The following HYDIN variants were observed in gnomAD, a reference collection of about 807,000 sequenced individuals.
HYDIN encodes the protein HYDIN axonemal central pair apparatus protein, also known as axonemal central pair apparatus protein HYDIN.
A neutral mutation model predicts 403.9 loss-of-function variants in HYDIN; 132 were observed. That is an observed-to-expected ratio of 0.33 (90% CI 0.28 to 0.38). The LOEUF is 0.38. Among genes scored for constraint, HYDIN ranks in the 10% least tolerant of loss-of-function variants. The pLI is 1.00. For missense variants in HYDIN, 2,827 were observed against 5,009.5 expected, an observed-to-expected ratio of 0.56 and a Z score of 13.15; for synonymous variants, 1,202 against 1,891.7, an observed-to-expected ratio of 0.64 and a Z score of 9.46.
intron 23 of HYDIN, among the ~76,000 whole-genome samples, chr16:71,017,329 G>A (rs2080296087): frequency 1.4e-5 from 2 of 141,872 alleles, no homozygotes; most frequent in Admixed American, 7.2e-5. Flanking sequence ...CAGCCTGGGC[G>A]ACAAGAGCGA....
chr16:71,110,586 C>A (rs1011874686), intron 10 of HYDIN, among the ~76,000 whole-genome samples: 1 of 149,626 alleles, frequency 6.7e-6, no homozygotes, highest in Non-Finnish European at 1.5e-5. Context: ...CAAAATTATA[C>A]ATGAAAGCAA....
At chr16:71,038,670 A>C (rs1475364560) in intron 18 of HYDIN, among the ~76,000 whole-genome samples, 1 of 152,288 alleles carries the variant, frequency 6.6e-6, no homozygotes, top group African/African-American at 2.4e-5. Flanking sequence ...TTTTAAAAAA[A>C]TTTCTTTTGA....
At chr16:71,107,621 G>A (rs1370865448) in intron 10 of HYDIN, among the ~76,000 whole-genome samples, 4 of 151,998 alleles carry the variant, frequency 2.6e-5, no homozygotes, top group African/African-American at 9.7e-5. Flanking sequence ...ACCACAATGA[G>A]ATATCATCTC....
rs934444245 is a variant in HYDIN, at chr16:70,992,145, G to T, written c.3710C>A (p.Thr1237Asn). 3.1e-6 allele frequency: 5 copies of T among 1,612,094 alleles called. No individual in the cohort carries two copies. In the African/African-American group the frequency reaches 5.4e-5, roughly 17 times the overall value. Residue 1237 changes from threonine to asparagine, a missense_variant, in exon 24 of 86, where the codon ACC becomes AAC. Transcript: ENST00000393567. ...TGCTGGTGGGCTGGCAGCCTCTGAGGTTGCTGGGATGGACTCCATCTGGGA... is the reference window on the plus strand; with the variant it reads ...TGCTGGTGGGCTGGCAGCCTCTGAGTTTGCTGGGATGGACTCCATCTGGGA... ...PVSQMESIPATSEAASPPAIL... is the reference protein window; with the variant it reads ...PVSQMESIPANSEAASPPAIL...
rs1400368049 is a variant in HYDIN, at chr16:70,804,540, A to G, written c.*3040T>C. Among the ~76,000 whole-genome samples, 1 of 152,232 alleles carries G rather than the reference A, an allele frequency of 6.6e-6. No homozygotes were observed. Among genetic ancestry groups the G allele is most frequent in the Non-Finnish European group, 1.5e-5 (1 of 68,034 alleles). On this transcript the variant is annotated 3_prime_UTR_variant, in exon 86 of 86. Coordinates refer to ENST00000393567, the MANE Select transcript of HYDIN (RefSeq NM_001270974.2). ...ATGTGGAAACCGCATTCTTTGGTGA[A>G]TCAGCTTCTCGTGAGGTCCTTCAGA...
At chr16:70,877,829 G>A (rs1229228195) in intron 62 of HYDIN, among the ~76,000 whole-genome samples, 1 of 152,086 alleles carries the variant, frequency 6.6e-6, no homozygotes, top group African/African-American at 2.4e-5. Flanking sequence ...AGTTAACAAC[G>A]GAAACCGGAA....
chr16:70,953,278 C>A (rs1218461830), intron 40 of HYDIN, among the ~76,000 whole-genome samples: 2 of 152,078 alleles, frequency 1.3e-5, no homozygotes, highest in South Asian at 4.2e-4. Flanking sequence ...GCCAGGCATT[C>A]TTCCAGGTGC....
At chr16:71,219,132 A>G (rs186223936) in intron 1 of HYDIN, among the ~76,000 whole-genome samples, 10 of 152,326 alleles carry the variant, frequency 6.6e-5, no homozygotes, top group Admixed American at 6.5e-4. Context: ...AAAAATGAGC[A>G]TCAACAACAT....
chr16:70,862,985 CT>C (rs2039504881), intron 68 of HYDIN, 99 bp downstream of exon 68: 1 of 718,784 alleles, frequency 1.4e-6, no homozygotes, highest in African/African-American at 1.8e-5. Flanking sequence ...TCTTTAGCTA[CT>C]TAGGAGACCC....
intron 84 of HYDIN, chr16:70,817,589 C>A (rs2035921669): frequency 6.6e-6 from 1 of 152,216 alleles, no homozygotes; most frequent in Non-Finnish European, 1.5e-5. Context: ...CCTCTCCCTG[C>A]CAGTTCACAA....
At chr16:71,077,420 A>G (rs1237117459) in intron 13 of HYDIN, among the ~76,000 whole-genome samples, 2 of 152,162 alleles carry the variant, frequency 1.3e-5, no homozygotes, top group African/African-American at 2.4e-5. Context: ...CATTGCTGAT[A>G]TATTTAAAAA....
chr16:70,805,893 T>C lies in HYDIN; in HGVS notation c.*1687A>G, dbSNP rs1371718500. On this transcript the variant is annotated 3_prime_UTR_variant, in exon 86 of 86. Coordinates refer to ENST00000393567, the MANE Select transcript of HYDIN (RefSeq NM_001270974.2). ...TCCAGAAATAAAAAATTCATACTTT[T>C]TAAATGGCATGCTGTTCTGAATAAC... Among the ~76,000 whole-genome samples, 1 of 152,214 alleles carries C rather than the reference T, an allele frequency of 6.6e-6. No homozygotes were observed. Among genetic ancestry groups the C allele is most frequent in the Non-Finnish European group, 1.5e-5 (1 of 68,042 alleles).
At chr16:70,945,767 T>C (rs1421768395) in intron 41 of HYDIN, among the ~76,000 whole-genome samples, 1 of 152,026 alleles carries the variant, frequency 6.6e-6, no homozygotes, top group Non-Finnish European at 1.5e-5. Context: ...AGAAGTCATG[T>C]GAGATGAAGA....
chr16:71,139,678 T>C (rs1176852119), intron 7 of HYDIN, among the ~76,000 whole-genome samples: 3 of 151,760 alleles, frequency 2.0e-5, no homozygotes, highest in East Asian at 1.9e-4. Context: ...GGGAGGTAGT[T>C]CAGAAAACAC....
intron 8 of HYDIN, among the ~76,000 whole-genome samples, chr16:71,134,506 G>A (rs907380223): frequency 1.3e-5 from 2 of 152,250 alleles, no homozygotes; most frequent in African/African-American, 2.4e-5. Context: ...ATTCGCTAAA[G>A]ATCTCGCTGC....
At position 70,862,176 on chromosome 16, in the gene HYDIN, G is replaced by A. The variant is rs547639554; in HGVS notation, c.11649C>T (p.Ala3883=). The A allele has an allele frequency of 1.2e-5, 20 of 1,613,138 alleles. No individual in the cohort carries two copies. The highest frequency in any genetic ancestry group is 6.7e-5 in the African/African-American group (5 of 75,018). The change falls in exon 69 of 86, where the codon GCC becomes GCT. Residue 3883 remains alanine (A), a synonymous_variant. Coordinates refer to ENST00000393567, the MANE Select transcript of HYDIN (RefSeq NM_001270974.2). ...STLDSTMDHW[A]EGSPQPFSVE... is the part of the protein sequence containing the mutation. ...CAGAGAAGGGCTGTGGGGAACCCTCGGCCCAGTGGTCCATGGTGCTGTCCA... is the reference window on the plus strand; with the variant it reads ...CAGAGAAGGGCTGTGGGGAACCCTCAGCCCAGTGGTCCATGGTGCTGTCCA...
At chr16:70,872,247 G>A (rs2040155639) in intron 64 of HYDIN, 68 bp from the exon 65 acceptor site, 2 of 627,714 alleles carry the variant, frequency 3.2e-6, no homozygotes, top group Non-Finnish European at 5.4e-6. Flanking sequence ...GCCTTAAGGA[G>A]GCATAGTGCT....
At chr16:71,096,482 T>A in intron 10 of HYDIN, among the ~76,000 whole-genome samples, 1 of 152,194 alleles carries the variant, frequency 6.6e-6, no homozygotes, top group Non-Finnish European at 1.5e-5. Context: ...GTCTTTTGTG[T>A]GTGTGTGTGT....
At chr16:71,053,983 C>T (rs1420590114) in intron 18 of HYDIN, among the ~76,000 whole-genome samples, 2 of 152,232 alleles carry the variant, frequency 1.3e-5, no homozygotes, top group African/African-American at 4.8e-5. Context: ...TGAGTGATGG[C>T]TGACTTTTAT....
Sources: gnomAD v4.1 joint callset for allele counts (sites outside exome capture counted in the v4.1 genomes callset) on GRCh38, gnomAD v4.1.1 for gene constraint, MANE v1.5 for transcripts, NCBI Gene and HGNC (gene_info 2026-07-23, HGNC 2026-07-21) for gene names.